Variants in RYR2 observed in about 807,000 individuals in gnomAD.
RYR2 encodes the protein ryanodine receptor 2, also known as cardiac muscle ryanodine receptor-calcium release channel.
RYR2 carries 227 observed loss-of-function variants against 601.1 expected under a neutral mutation model. The observed-to-expected ratio is 0.38, with a 90% CI of 0.34 to 0.42. The LOEUF is 0.42. Ranked by LOEUF, RYR2 falls within the 10% of genes least tolerant of loss-of-function variation. RYR2 has a pLI of 1.00. For missense variants in RYR2, 4,646 were observed against 6,156.5 expected, an observed-to-expected ratio of 0.75 and a Z score of 8.21; for synonymous variants, 2,223 against 2,175.1, an observed-to-expected ratio of 1.02 and a Z score of -0.61.
At chr1:237,754,658 C>A (rs992876236) in intron 80 of RYR2, among the ~76,000 whole-genome samples, 1 of 152,096 alleles carries the variant, frequency 6.6e-6, no homozygotes, top group Admixed American at 6.6e-5. Context: ...AAGCTTTAAG[C>A]GAAAGTTCCA....
intron 100 of RYR2, among the ~76,000 whole-genome samples, chr1:237,816,956 C>T (rs1403347655): frequency 3.9e-5 from 6 of 152,088 alleles, no homozygotes; most frequent in South Asian, 4.1e-4. Context: ...AATGTTGCCA[C>T]GTCCAGGAGA....
At chr1:237,408,392 T>TTATATACATATATATATA (rs1558768413) in intron 10 of RYR2, among the ~76,000 whole-genome samples, 1 of 62,604 alleles carries the variant, frequency 1.6e-5, no homozygotes, top group African/African-American at 1.6e-4. Context: ...TCTAGATTCT[T>TTATATACATATATATATA]TATATATATA....
In RYR2 at chr1:237,045,179, T is replaced by C. The variant is rs111326999; in HGVS notation, c.48+2610T>C. ...ATTATCTTGAGCAGGTCATTGTCTA[T>C]TGGATTTGTATTCAGCACCCCAGCA... On this transcript the variant is annotated intron_variant, in intron 1 of 104. Transcript: ENST00000366574. Among the ~76,000 whole-genome samples, 800 of 152,308 alleles carry C rather than the reference T, an allele frequency of 5.3e-3. 5 individuals carry two copies. Among genetic ancestry groups the C allele is most frequent in the South Asian group, 0.016 (75 of 4,822 alleles).
intron 4 of RYR2, among the ~76,000 whole-genome samples, chr1:237,358,424 A>G (rs2149702673): frequency 6.6e-6 from 1 of 151,544 alleles, no homozygotes; most frequent in Admixed American, 6.6e-5. Context: ...CAGAAGAGAA[A>G]GCTTGGCAGG....
chr1:237,561,751 A>T (rs1003598483), intron 27 of RYR2, among the ~76,000 whole-genome samples: 2 of 152,212 alleles, frequency 1.3e-5, no homozygotes, highest in Admixed American at 6.5e-5. Flanking sequence ...TTAAAGCAAG[A>T]GCTTGATGTG....
chr1:237,494,200 T>C (rs1663769488), intron 19 of RYR2, among the ~76,000 whole-genome samples: 2 of 152,088 alleles, frequency 1.3e-5, no homozygotes, highest in African/African-American at 4.8e-5. Flanking sequence ...GTCTGCAAGC[T>C]GAGGAACAAG....
At chr1:237,054,185 C>T (rs1661655101) in intron 1 of RYR2, among the ~76,000 whole-genome samples, 1 of 150,734 alleles carries the variant, frequency 6.6e-6, no homozygotes, top group African/African-American at 2.4e-5. Context: ...CCTTCCCTCC[C>T]TCCCTTCTTC....
At chr1:237,071,799 T>C (rs1664370686) in intron 1 of RYR2, among the ~76,000 whole-genome samples, 1 of 152,180 alleles carries the variant, frequency 6.6e-6, no homozygotes, top group African/African-American at 2.4e-5. Flanking sequence ...GAGGGGTGCC[T>C]GCCGAGCTGC....
At chr1:237,353,511 GAAA>G (rs61606386) in intron 3 of RYR2, among the ~76,000 whole-genome samples, 2 of 52,718 alleles carry the variant, frequency 3.8e-5, no homozygotes, top group African/African-American at 1.1e-4. Context: ...TCCGTCTCAA[GAAA>G]AAAAAAAAAA....
intron 25 of RYR2, among the ~76,000 whole-genome samples, chr1:237,540,911 G>GTATATA (rs61555601): frequency 1.2e-4 from 18 of 148,782 alleles, no homozygotes; most frequent in South Asian, 1.1e-3. Flanking sequence ...ATGTGTGTGT[G>GTATATA]TATATATATA....
chr1:237,810,828 A>C (rs990967493), intron 100 of RYR2, among the ~76,000 whole-genome samples: 1 of 150,506 alleles, frequency 6.6e-6, no homozygotes, highest in African/African-American at 2.4e-5. Flanking sequence ...ATTAAATTAC[A>C]TTTAATTTAA....
intron 1 of RYR2, among the ~76,000 whole-genome samples, chr1:237,183,622 A>G (rs568599923): frequency 2.0e-4 from 31 of 152,368 alleles, no homozygotes; most frequent in Non-Finnish European, 3.5e-4. Context: ...GCATACACAT[A>G]GAAATGAGTT....
intron 1 of RYR2, among the ~76,000 whole-genome samples, chr1:237,074,889 C>T (rs774728783): frequency 2.6e-5 from 4 of 152,126 alleles, no homozygotes; most frequent in South Asian, 2.1e-4. Flanking sequence ...GATGAGTCAC[C>T]GATTTTGAAG....
chr1:237,329,690 G>T (rs1029114088), intron 2 of RYR2, among the ~76,000 whole-genome samples: 6 of 151,942 alleles, frequency 3.9e-5, no homozygotes, highest in African/African-American at 1.5e-4. Flanking sequence ...ATATGGGAAG[G>T]ACAAGTACTG....
chr1:237,692,323 G>A (rs12119754), intron 63 of RYR2, among the ~76,000 whole-genome samples: 5,704 of 152,122 alleles, frequency 0.037, 147 homozygotes, highest in Middle Eastern at 0.071. Flanking sequence ...AACATCTTTC[G>A]CTTGTACTAT....
At chr1:237,569,026 G>A in intron 28 of RYR2, 119 bp from the exon 29 acceptor site, 1 of 768,200 alleles carries the variant, frequency 1.3e-6, no homozygotes, top group Admixed American at 3.1e-5. Context: ...ATGCCAGCTG[G>A]AGTTTCTCCT....
At chr1:237,316,471 A>G (rs1158583855) in intron 2 of RYR2, among the ~76,000 whole-genome samples, 1 of 152,194 alleles carries the variant, frequency 6.6e-6, no homozygotes, top group Admixed American at 6.5e-5. Context: ...TCTTAGTTTC[A>G]GATCCAAAGG....
rs764876896 is a variant in RYR2 at position 237,270,489 on chromosome 1, C to T, written c.49-8C>T. 3 of 1,569,892 alleles carry T rather than the reference C, an allele frequency of 1.9e-6. No individual in the cohort carries two copies. The East Asian group carries it at 7.0e-5, about 37-fold the overall frequency. ...CTTATTTTTCCCTCTCTTTCTCCCC[C>T]TTTGCAGGATGATGAAGTGGTTCTG... is the stretch of plus-strand genomic sequence containing the variant. On this transcript the variant is annotated splice_polypyrimidine_tract_variant and splice_region_variant and intron_variant, in intron 1 of 104. Transcript: ENST00000366574.
intron 47 of RYR2, 21 bp from the exon 48 acceptor site, chr1:237,643,305 TG>T (rs763522397): frequency 6.2e-7 from 1 of 1,605,816 alleles, no homozygotes; most frequent in Non-Finnish European, 8.5e-7. Flanking sequence ...GTTGTTCTAA[TG>T]TTTTTTTTTC....
Sources: allele counts gnomAD v4.1 joint callset (sites outside exome capture counted in the v4.1 genomes callset), GRCh38; gene constraint gnomAD v4.1.1; transcripts MANE v1.5; gene names NCBI Gene and HGNC (gene_info 2026-07-23, HGNC 2026-07-21).